The following PCDH9 variants were observed in gnomAD, a reference collection of about 807,000 sequenced individuals.
PCDH9 encodes the protein protocadherin-9.
PCDH9 carries 24 observed loss-of-function variants against 70.6 expected under a neutral mutation model. The ratio of observed to expected loss-of-function variants is 0.34; its 90% CI spans 0.25 to 0.48. The LOEUF (loss-of-function observed/expected upper bound fraction) is 0.48, where lower values mean the gene tolerates loss of function less well. Among genes scored for constraint, PCDH9 ranks in the 20% least tolerant of loss-of-function variants. PCDH9 has a pLI of 0.99. For missense variants in PCDH9, 1,281 were observed against 1,503.6 expected (o/e 0.85, Z 2.45); for synonymous variants, 562 against 558.5 (o/e 1.01, Z -0.09).
chr13:66,500,078 G>A (rs550512559), intron 4 of PCDH9, among the ~76,000 whole-genome samples: 4 of 152,176 alleles, frequency 2.6e-5, no homozygotes, highest in East Asian at 1.9e-4. Flanking sequence ...CCTTTATAGC[G>A]ATGCGAATGG....
chr13:66,550,707 C>T (rs1961444983), intron 4 of PCDH9, among the ~76,000 whole-genome samples: 1 of 152,160 alleles, frequency 6.6e-6, no homozygotes, highest in South Asian at 2.1e-4. Flanking sequence ...GTTTAAGCCA[C>T]ATGCCGTTCG....
At chr13:67,036,369 C>A (rs1294311189) in intron 2 of PCDH9, among the ~76,000 whole-genome samples, 2 of 152,136 alleles carry the variant, frequency 1.3e-5, no homozygotes, top group Non-Finnish European at 2.9e-5. Flanking sequence ...GCTCTAAACC[C>A]ACTAATCTCT....
chr13:66,716,395 G>A (rs1333410718), intron 3 of PCDH9, among the ~76,000 whole-genome samples: 1 of 152,134 alleles, frequency 6.6e-6, no homozygotes, highest in Non-Finnish European at 1.5e-5. Context: ...GAAGTGTAGA[G>A]GAGACCAGTG....
intron 3 of PCDH9, among the ~76,000 whole-genome samples, chr13:66,895,565 C>T (rs1480213884): frequency 6.6e-6 from 1 of 152,192 alleles, no homozygotes; most frequent in Non-Finnish European, 1.5e-5. Flanking sequence ...TATCTGTGCA[C>T]ATGTGCAGAA....
chr13:66,982,035 G>A (rs1002627006), intron 2 of PCDH9, among the ~76,000 whole-genome samples: 9 of 152,244 alleles, frequency 5.9e-5, no homozygotes, highest in African/African-American at 2.2e-4. Context: ...TCATGGGGGC[G>A]GATCCCTCAT....
At chr13:67,074,205 T>C (rs2085831501) in intron 2 of PCDH9, among the ~76,000 whole-genome samples, 2 of 152,048 alleles carry the variant, frequency 1.3e-5, no homozygotes. Flanking sequence ...AAGGTAATGG[T>C]ATTAGGAGGT....
At chr13:66,479,903 C>T (rs1207018819) in intron 4 of PCDH9, among the ~76,000 whole-genome samples, 2 of 152,170 alleles carry the variant, frequency 1.3e-5, no homozygotes, top group African/African-American at 2.4e-5. Context: ...AAAAGCTGAC[C>T]ACCCCAGCCG....
intron 4 of PCDH9, among the ~76,000 whole-genome samples, chr13:66,529,100 T>G (rs893326165): frequency 2.0e-5 from 3 of 152,022 alleles, no homozygotes; most frequent in Non-Finnish European, 4.4e-5. Context: ...ATATAATAAA[T>G]CAAGTACATT....
At chr13:66,970,643 G>GA (rs2083505173) in intron 2 of PCDH9, among the ~76,000 whole-genome samples, 2 of 15,694 alleles carry the variant, frequency 1.3e-4, no homozygotes, top group African/African-American at 4.2e-4. Flanking sequence ...AAAAAAAAAA[G>GA]CAAAAAAAAA....
intron 3 of PCDH9, among the ~76,000 whole-genome samples, chr13:66,670,425 T>A (rs78359528): frequency 2.0e-5 from 3 of 152,100 alleles, no homozygotes; most frequent in African/African-American, 4.8e-5. Context: ...AACGAAAGAA[T>A]TGAGAATTGA....
At position 66,982,597 on chromosome 13, in the gene PCDH9, C is replaced by T. The variant is rs61078572; in HGVS notation, c.3037-78992G>A. Among the ~76,000 whole-genome samples, 929 of 152,242 alleles carry T rather than the reference C, an allele frequency of 6.1e-3. 11 individuals are homozygous for T. The highest frequency in any genetic ancestry group is 0.021 in the African/African-American group (867 of 41,542). On this transcript the variant is annotated intron_variant, in intron 2 of 4. Coordinates refer to ENST00000377865, the MANE Select transcript of PCDH9 (RefSeq NM_203487.3). ...GGTTCTCCTGGAATGAGGATCACTC[C>T]ACCTACTCATCTCATCTACCAAGTC...
chr13:66,329,574 A>G (rs943756340), intron 4 of PCDH9, among the ~76,000 whole-genome samples: 2 of 152,170 alleles, frequency 1.3e-5, no homozygotes, highest in East Asian at 1.9e-4. Flanking sequence ...ATGAAGAACA[A>G]TATGGCTCAT....
At chr13:66,692,132 G>T (rs577629112) in intron 3 of PCDH9, among the ~76,000 whole-genome samples, 1 of 152,162 alleles carries the variant, frequency 6.6e-6, no homozygotes, top group African/African-American at 2.4e-5. Context: ...CCTCTACATG[G>T]CATGAAGAAA....
At position 66,304,872 on chromosome 13, in the gene PCDH9, T is replaced by G. The variant is rs1211852737; in HGVS notation, c.3497A>C (p.Glu1166Ala). 6.2e-7 allele frequency: 1 copy of G among 1,613,576 alleles called. No individual in the cohort carries two copies. The highest frequency in any genetic ancestry group is 1.7e-5 in the Admixed American group (1 of 59,874). The stretch of plus-strand genomic sequence containing the variant: ...CACAAGCTTGTCCTTCTTCACCCAT[T>G]CTTTCTGGGGTGCAAAGGTTGAGAG... ...SPLSTFAPQK[E>A]WVKKDKLVNG... The change falls in exon 5 of 5, where the codon GAA becomes GCA. Residue 1166 changes from glutamate to alanine, a missense_variant. This residue lies in a region of PCDH9 where 264 missense variants were observed against 278.8 expected (regional missense o/e 0.95). Transcript: ENST00000377865.
intron 4 of PCDH9, among the ~76,000 whole-genome samples, chr13:66,534,898 G>T (rs1388617113): frequency 6.6e-6 from 1 of 152,072 alleles, no homozygotes; most frequent in Non-Finnish European, 1.5e-5. Context: ...TGTGACACAA[G>T]CTATAGTTAT....
intron 4 of PCDH9, among the ~76,000 whole-genome samples, chr13:66,375,717 T>C (rs1956735545): frequency 6.6e-6 from 1 of 152,108 alleles, no homozygotes; most frequent in Non-Finnish European, 1.5e-5. Context: ...TAACTATTAT[T>C]TAAGATGAAA....
At chr13:67,148,560 A>C (rs1342425430) in intron 2 of PCDH9, among the ~76,000 whole-genome samples, 1 of 152,182 alleles carries the variant, frequency 6.6e-6, no homozygotes, top group Non-Finnish European at 1.5e-5. Flanking sequence ...ATGAAGGCAA[A>C]AGAAGCCAAC....
At chr13:66,402,550 T>A (rs1957206375) in intron 4 of PCDH9, among the ~76,000 whole-genome samples, 1 of 152,112 alleles carries the variant, frequency 6.6e-6, no homozygotes, top group Admixed American at 6.6e-5. Flanking sequence ...CACAATCTGA[T>A]TGTTGATTGG....
chr13:66,484,801 T>G (rs1317193171), intron 4 of PCDH9, among the ~76,000 whole-genome samples: 1 of 152,188 alleles, frequency 6.6e-6, no homozygotes, highest in Non-Finnish European at 1.5e-5. Context: ...AGACTTTGTT[T>G]CCCTATCTGT....
Sources: gnomAD v4.1 joint callset for allele counts (sites outside exome capture counted in the v4.1 genomes callset) on GRCh38, gnomAD v4.1.1 for gene constraint, gnomAD v4.1.1 regional missense constraint, MANE v1.5 for transcripts, NCBI Gene and HGNC (gene_info 2026-07-23, HGNC 2026-07-21) for gene names.